Variants in SLC25A48 observed in about 807,000 individuals in gnomAD.
The protein encoded by SLC25A48 is solute carrier family 25 member 48.
SLC25A48 carries 29 observed loss-of-function variants against 32.2 expected under a neutral mutation model. The ratio of observed to expected loss-of-function variants is 0.90; its 90% CI spans 0.67 to 1.23. The LOEUF (loss-of-function observed/expected upper bound fraction) is 1.23, where lower values mean the gene tolerates loss of function less well. Ranked by LOEUF, SLC25A48 falls within the 50% of genes most tolerant of loss-of-function variation. The pLI, the probability that SLC25A48 is intolerant of heterozygous loss-of-function variation, is 0.00. For missense variants in SLC25A48, 399 were observed against 422.7 expected (o/e 0.94, Z 0.49); for synonymous variants, 164 against 172.3 (o/e 0.95, Z 0.38).
rs143582184 is a variant in SLC25A48 at position 135,871,647 on chromosome 5, G to A, written c.608G>A (p.Ser203Asn). The change falls in exon 5 of 8, where the codon AGT (serine) becomes AAT (asparagine). Residue 203 changes from serine to asparagine, a missense_variant. Coordinates refer to ENST00000681962, the MANE Select transcript of SLC25A48 (RefSeq NM_001349336.2). Reference protein sequence around the residue: ...CLYFIPYVFLSEWITPEACTG... With the variant: ...CLYFIPYVFLNEWITPEACTG... ...TACTTCATCCCCTACGTGTTCCTGA[G>A]TGAGTGGATCACACCTGAGGCCTGC... The A allele has an allele frequency of 7.7e-5, 125 of 1,614,220 alleles. 1 individual carries two copies. The East Asian group carries it at 2.7e-3, about 35-fold the overall frequency.
intron 3 of SLC25A48, among the ~76,000 whole-genome samples, chr5:135,715,171 A>C (rs536034889): frequency 2.8e-4 from 42 of 152,336 alleles, no homozygotes; most frequent in African/African-American, 8.4e-4. Flanking sequence ...CTGATGAGCC[A>C]CTTCGAAAAA....
chr5:135,783,114 T>C lies in SLC25A48; in HGVS notation c.-520-29409T>C, dbSNP rs547025327. Reference sequence around the variant, plus strand: ...GCACAGTTACAACCCCCATATAATATTGTTTCTCAATCCAGGGGGTCAGAA... The same window carrying C: ...GCACAGTTACAACCCCCATATAATACTGTTTCTCAATCCAGGGGGTCAGAA... On this transcript the variant is annotated intron_variant, in intron 3 of 10. Coordinates refer to the SLC25A48 transcript ENST00000646290. 2.3e-4 allele frequency among the ~76,000 whole-genome samples: 27 copies of C among 119,112 alleles called. 4 individuals carry two copies. Among genetic ancestry groups the C allele is most frequent in the African/African-American group, 6.9e-4 (27 of 39,206 alleles). 78.1% of individuals were successfully genotyped at this position (119,112 alleles called of 152,430 possible).
At chr5:135,713,279 A>T (rs567014332) in intron 3 of SLC25A48, among the ~76,000 whole-genome samples, 1 of 152,236 alleles carries the variant, frequency 6.6e-6, no homozygotes, top group African/African-American at 2.4e-5. Flanking sequence ...TTTCAGCAGT[A>T]TAATGGCTTT....
chr5:135,737,213 C>T (rs952018702), intron 3 of SLC25A48, among the ~76,000 whole-genome samples: 5 of 151,542 alleles, frequency 3.3e-5, no homozygotes, highest in Admixed American at 3.3e-4. Context: ...TGGGGTGGGG[C>T]CGTTTTATAG....
At chr5:135,649,531 TG>T (rs1231102340) in intron 3 of SLC25A48, 1 of 152,074 alleles carries the variant, frequency 6.6e-6, no homozygotes, top group Admixed American at 6.6e-5. Context: ...TTGGTGAGAG[TG>T]GCCAGTGACT....
intron 3 of SLC25A48, among the ~76,000 whole-genome samples, chr5:135,808,246 A>T (rs909758753): frequency 6.6e-6 from 1 of 150,436 alleles, no homozygotes; most frequent in Non-Finnish European, 1.5e-5. Context: ...AACACTTGAT[A>T]TTATTATAAA....
At chr5:135,679,109 C>T (rs1350974861) in intron 3 of SLC25A48, among the ~76,000 whole-genome samples, 1 of 152,116 alleles carries the variant, frequency 6.6e-6, no homozygotes, top group African/African-American at 2.4e-5. Context: ...TAGGCAATGG[C>T]AGTAGCAGTG....
chr5:135,631,976 C>T (rs973305583), intron 2 of SLC25A48, among the ~76,000 whole-genome samples: 1 of 152,194 alleles, frequency 6.6e-6, no homozygotes, highest in Non-Finnish European at 1.5e-5. Flanking sequence ...GATGTCAGCC[C>T]ACAAGTGCCT....
rs1311353755 is a variant in SLC25A48, at chr5:135,727,188, AT to A, written c.-520-85334del. Among the ~76,000 whole-genome samples the A allele has an allele frequency of 1.7e-4, 13 of 78,270 alleles. No individual in the cohort carries two copies. The East Asian group carries it at 7.2e-3, about 43-fold the overall frequency. The allele number at this position is 78,270 out of a possible 152,430, so 51.3% of individuals were successfully genotyped here. A position where few individuals can be genotyped will look rare whatever the true frequency, so the allele number is the denominator to read the frequency against. ...TTTTACATATATAGCCACAGGCTAT[AT>A]ATATATATATATATACGTGTGTATA... On this transcript the variant is annotated intron_variant, in intron 3 of 10. Coordinates refer to the SLC25A48 transcript ENST00000646290.
At chr5:135,857,784 T>A (rs1760455078) in intron 4 of SLC25A48, among the ~76,000 whole-genome samples, 1 of 152,146 alleles carries the variant, frequency 6.6e-6, no homozygotes, top group Non-Finnish European at 1.5e-5. Flanking sequence ...GCTGTGCACC[T>A]GCCCAGGTAG....
chr5:135,693,956 C>T (rs947209486), intron 3 of SLC25A48, among the ~76,000 whole-genome samples: 1 of 58,660 alleles, frequency 1.7e-5, no homozygotes, highest in African/African-American at 4.6e-5. Flanking sequence ...ATGAAACATT[C>T]TGGAGAAAAA....
chr5:135,881,091 A>T (rs940450683), intron 7 of SLC25A48, among the ~76,000 whole-genome samples: 1 of 152,182 alleles, frequency 6.6e-6, no homozygotes, highest in Non-Finnish European at 1.5e-5. Flanking sequence ...TGGGTGGATG[A>T]CCAACCCCCA....
intron 2 of SLC25A48, among the ~76,000 whole-genome samples, chr5:135,846,764 A>G (rs1759458706): frequency 6.6e-6 from 1 of 152,174 alleles, no homozygotes; most frequent in African/African-American, 2.4e-5. Context: ...CTCTATAAGG[A>G]CCAAAGAAAG....
At chr5:135,711,932 T>C (rs1754676456) in intron 3 of SLC25A48, among the ~76,000 whole-genome samples, 1 of 145,098 alleles carries the variant, frequency 6.9e-6, no homozygotes, top group African/African-American at 2.5e-5. Context: ...CTGCCTCTAG[T>C]GTCCCCCTCC....
chr5:135,590,980 C>T (rs532961760), intron 1 of SLC25A48, among the ~76,000 whole-genome samples: 1 of 152,378 alleles, frequency 6.6e-6, no homozygotes, highest in African/African-American at 2.4e-5. Context: ...TCTCAACCCT[C>T]CTGACTCTAA....
chr5:135,594,652 G>T (rs1751605021), intron 1 of SLC25A48, among the ~76,000 whole-genome samples: 1 of 152,118 alleles, frequency 6.6e-6, no homozygotes, highest in Admixed American at 6.5e-5. Flanking sequence ...CTCTTGGTTG[G>T]CCCCCAAGGG....
chr5:135,663,772 C>T (rs912246028), intron 3 of SLC25A48, among the ~76,000 whole-genome samples: 1 of 152,176 alleles, frequency 6.6e-6, no homozygotes, highest in African/African-American at 2.4e-5. Flanking sequence ...TCACCTCCAC[C>T]TGTTATCACA....
At position 135,840,174 on chromosome 5, in the gene SLC25A48, T is replaced by C. The variant is rs76884422; in HGVS notation, c.47-2242T>C. ...ATTCATCACTTTTCCAAAGAGGTCT[T>C]CTTTTAAAAAAATTCTATGGTGACA... On this transcript the variant is annotated intron_variant, in intron 1 of 7. Transcript: ENST00000681962. Among the ~76,000 whole-genome samples the C allele has an allele frequency of 4.0e-4, 61 of 152,318 alleles. 1 individual carries two copies. The East Asian group carries it at 0.01, about 26-fold the overall frequency.
intron 3 of SLC25A48, among the ~76,000 whole-genome samples, chr5:135,734,957 G>T (rs1381568737): frequency 6.6e-6 from 1 of 152,224 alleles, no homozygotes; most frequent in East Asian, 1.9e-4. Flanking sequence ...AAGCCGAGAA[G>T]ATCTGGGAAG....
Sources: allele counts gnomAD v4.1 joint callset (sites outside exome capture counted in the v4.1 genomes callset), GRCh38; gene constraint gnomAD v4.1.1; transcripts MANE v1.5; gene names NCBI Gene and HGNC (gene_info 2026-07-23, HGNC 2026-07-21).